The following ANO2 variants were observed in gnomAD, a reference collection of about 807,000 sequenced individuals.
The protein encoded by ANO2 is anoctamin 2.
A neutral mutation model predicts 124.2 loss-of-function variants in ANO2; 101 were observed. The observed-to-expected ratio is 0.81, with a 90% CI of 0.69 to 0.96. The LOEUF is 0.96. ANO2 is among the 40% of genes least tolerant of loss of function. ANO2 has a pLI of 0.00. For missense variants in ANO2, 1,293 were observed against 1,274.5 expected (o/e 1.01, Z -0.22); for synonymous variants, 486 against 482.5 (o/e 1.01, Z -0.09).
In ANO2 at chr12:5,925,443, G is replaced by A. The variant is rs763634547; in HGVS notation, c.23-2639C>T. On this transcript the variant is annotated intron_variant, in intron 1 of 24. Transcript: ENST00000682330. The surrounding 1 kb of genome is among the most constrained non-coding windows in gnomAD (Gnocchi z 4.6). The stretch of plus-strand genomic sequence containing the variant: ...TCTCCCCACAAGTGATTAGAGCACA[G>A]CACACGGTTCAGCCATCCCAGCCGT... Among the ~76,000 whole-genome samples the A allele has an allele frequency of 1.3e-5, 2 of 152,150 alleles. No individual in the cohort carries two copies. Among genetic ancestry groups the A allele is most frequent in the African/African-American group, 4.8e-5 (2 of 41,416 alleles).
chr12:5,566,653 G>A (rs1200692306), intron 23 of ANO2, among the ~76,000 whole-genome samples: 1 of 152,198 alleles, frequency 6.6e-6, no homozygotes, highest in Non-Finnish European at 1.5e-5. Flanking sequence ...GTCAATCCCT[G>A]AGCAAAGGGT....
intron 7 of ANO2, 25 bp from the exon 8 acceptor site, chr12:5,807,393 T>C (rs1953232840): frequency 3.2e-6 from 5 of 1,547,436 alleles, no homozygotes; most frequent in African/African-American, 2.7e-5. Flanking sequence ...GAGATGAAAA[T>C]AGTAACTCTG....
Position 5,870,256 on chromosome 12 carries a change from AAAGG to A in ANO2, c.535-16119_535-16116del, listed in dbSNP as rs2137279776. On this transcript the variant is annotated intron_variant, in intron 3 of 24. Coordinates refer to ENST00000682330, the MANE Select transcript of ANO2 (RefSeq NM_001364791.2). ...TGACCATTCTGAGAGGCCTCTAGAG[AAAGG>A]AAGTCCACAGTGTTTCCTGCTCATC... 1.3e-5 allele frequency: 2 copies of A among 152,306 alleles called. 1 individual carries two copies. Among genetic ancestry groups the A allele is most frequent in the Admixed American group, 1.3e-4 (2 of 15,294 alleles). The allele number at this position is 152,306 out of a possible 1,614,324, so 9.4% of individuals were successfully genotyped here. A position where few individuals can be genotyped will look rare whatever the true frequency, so the allele number is the denominator to read the frequency against.
At chr12:5,909,695 C>A (rs966240452) in intron 3 of ANO2, among the ~76,000 whole-genome samples, 2 of 152,326 alleles carry the variant, frequency 1.3e-5, no homozygotes, top group Admixed American at 6.5e-5. Context: ...CATCCCGTGC[C>A]CCACAAGTGC....
At chr12:5,852,856 T>TGG (rs1954955172) in intron 4 of ANO2, among the ~76,000 whole-genome samples, 1 of 143,564 alleles carries the variant, frequency 7.0e-6, no homozygotes, top group Non-Finnish European at 1.5e-5. Context: ...GACGTGTGTG[T>TGG]GTGTGTGTGT....
Position 5,732,698 on chromosome 12 carries a change from C to G in ANO2, c.1435-68G>C. ...ATGACCTTGGCCTTAGGGTTATAACCAGACACATGTACATTAACGTCAGCG... is the reference window on the plus strand; with the variant it reads ...ATGACCTTGGCCTTAGGGTTATAACGAGACACATGTACATTAACGTCAGCG... On this transcript the variant is annotated intron_variant, in intron 13 of 24. Coordinates refer to ENST00000682330, the MANE Select transcript of ANO2 (RefSeq NM_001364791.2). The G allele has an allele frequency of 1.9e-6, 3 of 1,541,256 alleles. No homozygotes were observed. In the South Asian group the frequency reaches 3.4e-5, roughly 18 times the overall value.
chr12:5,571,016 A>AG (rs1015906203), intron 23 of ANO2, among the ~76,000 whole-genome samples: 5 of 152,158 alleles, frequency 3.3e-5, no homozygotes, highest in Non-Finnish European at 7.3e-5. Context: ...ATGGGCTGGA[A>AG]GGGAGCACCC....
At chr12:5,630,395 C>T (rs1945656832) in intron 16 of ANO2, among the ~76,000 whole-genome samples, 1 of 152,200 alleles carries the variant, frequency 6.6e-6, no homozygotes, top group African/African-American at 2.4e-5. Context: ...CTGCTGGGAC[C>T]TACTTTGTGA....
At chr12:5,688,478 T>A (rs1420769811) in intron 14 of ANO2, among the ~76,000 whole-genome samples, 2 of 152,194 alleles carry the variant, frequency 1.3e-5, no homozygotes, top group Non-Finnish European at 2.9e-5. Context: ...AAGCCCCAGC[T>A]GTCTCCAAAC....
At chr12:5,591,025 C>CA (rs1315976843) in intron 20 of ANO2, among the ~76,000 whole-genome samples, 1 of 152,090 alleles carries the variant, frequency 6.6e-6, no homozygotes, top group African/African-American at 2.4e-5. Flanking sequence ...ACTAAAAATA[C>CA]AAAAAATTAG....
intron 20 of ANO2, among the ~76,000 whole-genome samples, chr12:5,593,871 A>G (rs777210166): frequency 6.6e-6 from 1 of 152,124 alleles, no homozygotes; most frequent in African/African-American, 2.4e-5. Context: ...CGGCAGTACC[A>G]CCCCTAACCA....
intron 10 of ANO2, among the ~76,000 whole-genome samples, chr12:5,759,723 C>T (rs764625281): frequency 1.3e-4 from 20 of 151,358 alleles, no homozygotes; most frequent in Admixed American, 4.0e-4. Context: ...TTATCTTCCA[C>T]GAAACTGATC....
chr12:5,935,082 T>G (rs1942590522), intron 1 of ANO2, among the ~76,000 whole-genome samples: 1 of 152,212 alleles, frequency 6.6e-6, no homozygotes, highest in East Asian at 1.9e-4. Flanking sequence ...AATATATTTA[T>G]TTATAGTCTG....
intron 10 of ANO2, among the ~76,000 whole-genome samples, chr12:5,789,965 G>A (rs1952649807): frequency 6.6e-6 from 1 of 152,166 alleles, no homozygotes; most frequent in Admixed American, 6.5e-5. Context: ...GTGCTCAGGG[G>A]TTCCAGGGAC....
chr12:5,632,012 C>G (rs764358434), intron 16 of ANO2, among the ~76,000 whole-genome samples: 15 of 152,064 alleles, frequency 9.9e-5, no homozygotes, highest in Non-Finnish European at 2.2e-4. Flanking sequence ...GAAAACCATC[C>G]AGACAGAGGG....
At chr12:5,688,621 T>C (rs1262232885) in intron 14 of ANO2, among the ~76,000 whole-genome samples, 1 of 152,180 alleles carries the variant, frequency 6.6e-6, no homozygotes, top group African/African-American at 2.4e-5. Context: ...CAATTAGGCA[T>C]GCTGCTTTAT....
chr12:5,801,099 T>C (rs1381039104), intron 9 of ANO2, among the ~76,000 whole-genome samples: 1 of 152,058 alleles, frequency 6.6e-6, no homozygotes, highest in African/African-American at 2.4e-5. Context: ...TGCTAATGGG[T>C]CAGGTCAGAT....
At position 5,904,639 on chromosome 12, in the gene ANO2, T is replaced by C. The variant is rs111759050; in HGVS notation, c.534+16401A>G. ...ACCCTGGTACCACACGGCCCCGACATGCCACAGCACCCGATGCTCCTTCTC... is the reference window on the plus strand; with the variant it reads ...ACCCTGGTACCACACGGCCCCGACACGCCACAGCACCCGATGCTCCTTCTC... On this transcript the variant is annotated intron_variant, in intron 3 of 24. Transcript: ENST00000682330. The surrounding 1 kb of genome is among the most constrained non-coding windows in gnomAD (Gnocchi z 4.1). 6.2e-3 allele frequency among the ~76,000 whole-genome samples: 947 copies of C among 152,262 alleles called. 15 individuals are homozygous for C. Among genetic ancestry groups the C allele is most frequent in the African/African-American group, 0.022 (904 of 41,552 alleles).
intron 14 of ANO2, among the ~76,000 whole-genome samples, chr12:5,718,199 A>G (rs916102151): frequency 2.6e-5 from 4 of 152,266 alleles, no homozygotes; most frequent in African/African-American, 9.6e-5. Context: ...ATGTAAGGAC[A>G]TGTCCCTCAC....
Sources: allele counts gnomAD v4.1 joint callset (sites outside exome capture counted in the v4.1 genomes callset), GRCh38; gene constraint gnomAD v4.1.1; non-coding constraint Gnocchi (gnomAD v3.1); transcripts MANE v1.5; gene names NCBI Gene and HGNC (gene_info 2026-07-23, HGNC 2026-07-21).